SLC25A24: variants seen among roughly 807,000 people sequenced by gnomAD.
SLC25A24 encodes mitochondrial adenyl nucleotide antiporter SLC25A24.
Under a neutral mutation model 60.7 loss-of-function variants are expected in SLC25A24, and 49 were observed. The ratio of observed to expected loss-of-function variants is 0.81; its 90% CI spans 0.64 to 1.02. SLC25A24 has a LOEUF of 1.02. Among genes scored for constraint, SLC25A24 ranks in the 50% least tolerant of loss-of-function variants. The pLI, the probability that SLC25A24 is intolerant of heterozygous loss-of-function variation, is 0.00. For missense variants in SLC25A24, 564 were observed against 586.3 expected (o/e 0.96, Z 0.39); for synonymous variants, 202 against 200.6 (o/e 1.01, Z -0.06).
intron 9 of SLC25A24, among the ~76,000 whole-genome samples, chr1:108,138,578 C>T (rs1679353718): frequency 6.6e-6 from 1 of 152,104 alleles, no homozygotes; most frequent in Non-Finnish European, 1.5e-5. Flanking sequence ...CAGCTCAAAA[C>T]TTGTAGGGTC....
At chr1:108,167,076 G>T (rs1014798606) in intron 3 of SLC25A24, among the ~76,000 whole-genome samples, 82 of 38,366 alleles carry the variant, frequency 2.1e-3, no homozygotes, top group African/African-American at 0.013. Flanking sequence ...TGCCCCTGCT[G>T]GGGGGTGCCT....
intron 5 of SLC25A24, 36 bp from the exon 6 acceptor site, chr1:108,155,171 G>A: frequency 6.4e-7 from 1 of 1,574,716 alleles, no homozygotes; most frequent in Non-Finnish European, 8.6e-7. Context: ...AAATGCTGGT[G>A]GCATATTACT....
At chr1:108,150,118 C>T (rs547109835) in intron 6 of SLC25A24, among the ~76,000 whole-genome samples, 1 of 152,266 alleles carries the variant, frequency 6.6e-6, no homozygotes, top group South Asian at 2.1e-4. Context: ...AAAAACCTTC[C>T]TGCACTTTAA....
intron 5 of SLC25A24, among the ~76,000 whole-genome samples, chr1:108,156,474 C>T (rs1157390): frequency 0.51 from 76,785 of 151,926 alleles, 19,928 homozygotes; most frequent in African/African-American, 0.62. Context: ...CACCAATCCC[C>T]TCTCCTTTTT....
At chr1:108,154,936 T>A in intron 6 of SLC25A24, 47 bp downstream of exon 6, 1 of 1,440,086 alleles carries the variant, frequency 6.9e-7, no homozygotes. Flanking sequence ...TTGAATCCGT[T>A]TACTAACTCC....
intron 6 of SLC25A24, among the ~76,000 whole-genome samples, chr1:108,152,891 AC>A (rs375935490): frequency 6.8e-4 from 103 of 152,320 alleles, no homozygotes; most frequent in Middle Eastern, 3.4e-3. Context: ...AGAGGAACTA[AC>A]TCCTGAGTAA....
intron 2 of SLC25A24, among the ~76,000 whole-genome samples, chr1:108,182,302 C>T (rs377730064): frequency 1.3e-5 from 2 of 152,186 alleles, no homozygotes; most frequent in South Asian, 2.1e-4. Flanking sequence ...ACTGACTTCA[C>T]AAGTGGCCTT....
At chr1:108,158,353 G>A (rs1016692880) in intron 4 of SLC25A24, among the ~76,000 whole-genome samples, 16 of 151,942 alleles carry the variant, frequency 1.1e-4, no homozygotes, top group African/African-American at 3.6e-4. Context: ...ATTTTTACAG[G>A]CAAGAGTGCA....
In SLC25A24 at chr1:108,134,721, G is replaced by A. The variant is rs563243766; in HGVS notation, c.*1932C>T. On this transcript the variant is annotated 3_prime_UTR_variant, in exon 10 of 10. Transcript: ENST00000565488. ...GCCAAACATCTAAGCTAGCTAAGCT[G>A]TAGGATACAATTTTTGCTTTATTTA... 2 of 152,048 alleles carry A rather than the reference G, an allele frequency of 1.3e-5. No individual in the cohort carries two copies. Among genetic ancestry groups the A allele is most frequent in the African/African-American group, 4.8e-5 (2 of 41,484 alleles). 9.4% of individuals were successfully genotyped at this position (152,048 alleles called of 1,614,324 possible).
intron 3 of SLC25A24, among the ~76,000 whole-genome samples, chr1:108,174,187 T>A (rs547493040): frequency 6.6e-6 from 1 of 152,238 alleles, no homozygotes; most frequent in East Asian, 1.9e-4. Context: ...CCTCCCATCA[T>A]AGGCCCAGAG....
intron 3 of SLC25A24, among the ~76,000 whole-genome samples, chr1:108,179,848 G>A (rs575456047): frequency 3.2e-4 from 49 of 152,118 alleles, no homozygotes; most frequent in African/African-American, 1.1e-3. Context: ...AAAATACTAA[G>A]AGAATGGATG....
chr1:108,199,747 T>C (rs139376685), intron 1 of SLC25A24: 17 of 594,352 alleles, frequency 2.9e-5, no homozygotes, highest in East Asian at 2.3e-4. Context: ...CAAATACCAG[T>C]AGACTTTCGT....
chr1:108,137,031 G>A (rs1679309187), intron 9 of SLC25A24, among the ~76,000 whole-genome samples, 194 bp from the exon 10 acceptor site: 1 of 152,140 alleles, frequency 6.6e-6, no homozygotes, highest in African/African-American at 2.4e-5. Context: ...CTATAGTAAT[G>A]ATGGTAATAA....
At chr1:108,169,671 C>A (rs1647375771) in intron 3 of SLC25A24, among the ~76,000 whole-genome samples, 1 of 152,140 alleles carries the variant, frequency 6.6e-6, no homozygotes, top group African/African-American at 2.4e-5. Context: ...GTTCTTTAAT[C>A]ATTTGCAAGA....
intron 5 of SLC25A24, among the ~76,000 whole-genome samples, chr1:108,156,184 G>C (rs1679894406): frequency 6.6e-6 from 1 of 152,208 alleles, no homozygotes; most frequent in Non-Finnish European, 1.5e-5. Flanking sequence ...TCTGCCCTAT[G>C]TGCTTCTTTA....
intron 7 of SLC25A24, among the ~76,000 whole-genome samples, chr1:108,144,229 T>C (rs1277819267): frequency 2.0e-5 from 3 of 152,090 alleles, no homozygotes; most frequent in Non-Finnish European, 2.9e-5. Context: ...TCGGTGAAAA[T>C]TGTATTTATC....
At chr1:108,166,265 A>G (rs1282143692) in intron 3 of SLC25A24, among the ~76,000 whole-genome samples, 5 of 151,542 alleles carry the variant, frequency 3.3e-5, no homozygotes, top group Admixed American at 6.6e-5. Flanking sequence ...TCTGACAATT[A>G]TGTGTCTTGG....
chr1:108,179,014 A>G (rs1647813077), intron 3 of SLC25A24, among the ~76,000 whole-genome samples: 1 of 152,196 alleles, frequency 6.6e-6, no homozygotes, highest in East Asian at 1.9e-4. Context: ...CAATTTTAAG[A>G]GCAAAGTTTA....
At chr1:108,193,524 T>C (rs1648410466) in intron 1 of SLC25A24, among the ~76,000 whole-genome samples, 1 of 140,434 alleles carries the variant, frequency 7.1e-6, no homozygotes, top group Admixed American at 8.0e-5. Context: ...GCTCCTTTTT[T>C]ATGGCTGCAT....
Sources: gnomAD v4.1 joint callset for allele counts (sites outside exome capture counted in the v4.1 genomes callset) on GRCh38, gnomAD v4.1.1 for gene constraint, MANE v1.5 for transcripts, NCBI Gene and HGNC (gene_info 2026-07-23, HGNC 2026-07-21) for gene names.